The following SPOCK3 variants were observed in gnomAD, a reference collection of about 807,000 sequenced individuals.
SPOCK3 encodes the protein SPARC (osteonectin), cwcv and kazal like domains proteoglycan 3.
SPOCK3 carries 30 observed loss-of-function variants against 56.6 expected under a neutral mutation model. The observed-to-expected ratio is 0.53, with a 90% CI of 0.40 to 0.72. The LOEUF (loss-of-function observed/expected upper bound fraction) is 0.72. SPOCK3 is among the 30% of genes least tolerant of loss of function. SPOCK3 has a pLI of 0.00. For missense variants in SPOCK3, 527 were observed against 530.0 expected (o/e 0.99, Z 0.06); for synonymous variants, 196 against 183.3 (o/e 1.07, Z -0.56).
At chr4:167,021,954 C>T (rs1216217568) in intron 3 of SPOCK3, among the ~76,000 whole-genome samples, 1 of 151,928 alleles carries the variant, frequency 6.6e-6, no homozygotes, top group African/African-American at 2.4e-5. Flanking sequence ...ATTGCAGTAC[C>T]CTAATACTAC....
At chr4:167,234,194 G>C (rs369674462) in intron 1 of SPOCK3, 21 bp from the exon 2 acceptor site, 7 of 1,611,276 alleles carry the variant, frequency 4.3e-6, no homozygotes, top group Non-Finnish European at 5.1e-6. Flanking sequence ...AGACACAACG[G>C]GGGGTGGGGG....
intron 6 of SPOCK3, among the ~76,000 whole-genome samples, chr4:166,836,507 T>G (rs1579368186): frequency 6.6e-6 from 1 of 152,222 alleles, no homozygotes; most frequent in East Asian, 1.9e-4. Flanking sequence ...TTATTTTAGT[T>G]GAATCTACTG....
intron 2 of SPOCK3, among the ~76,000 whole-genome samples, chr4:167,156,720 C>T (rs931225706): frequency 2.6e-5 from 4 of 152,094 alleles, no homozygotes; most frequent in Admixed American, 6.6e-5. Context: ...TCAAAATGAG[C>T]CCTAAAGCAT....
intron 7 of SPOCK3, among the ~76,000 whole-genome samples, chr4:166,789,342 T>A (rs947812345): frequency 4.0e-5 from 6 of 151,830 alleles, no homozygotes; most frequent in Non-Finnish European, 7.4e-5. Flanking sequence ...GGTAGGAGAA[T>A]CACCTGAACA....
chr4:166,982,857 A>C (rs537858945), intron 4 of SPOCK3, among the ~76,000 whole-genome samples: 1 of 152,304 alleles, frequency 6.6e-6, no homozygotes, highest in East Asian at 1.9e-4. Flanking sequence ...CTTGTACTTA[A>C]ATAATGCATT....
At chr4:167,116,640 G>A (rs1414759434) in intron 2 of SPOCK3, among the ~76,000 whole-genome samples, 3 of 109,664 alleles carry the variant, frequency 2.7e-5, no homozygotes, top group African/African-American at 3.7e-5. Context: ...TACTATATAC[G>A]TATATATATA....
intron 2 of SPOCK3, among the ~76,000 whole-genome samples, chr4:167,154,627 C>A (rs1475186725): frequency 1.3e-5 from 2 of 152,116 alleles, no homozygotes; most frequent in Admixed American, 6.6e-5. Context: ...ACAATCCTCC[C>A]ATAACCTGTT....
intron 6 of SPOCK3, among the ~76,000 whole-genome samples, chr4:166,833,099 G>A (rs569653338): frequency 2.6e-5 from 4 of 151,924 alleles, no homozygotes; most frequent in Non-Finnish European, 4.4e-5. Flanking sequence ...TATTATATAC[G>A]TGTGTGTGTG....
intron 3 of SPOCK3, among the ~76,000 whole-genome samples, chr4:167,005,241 A>G (rs1330341233): frequency 6.6e-6 from 1 of 151,008 alleles, no homozygotes; most frequent in Non-Finnish European, 1.5e-5. Context: ...ATGGAGTCTC[A>G]CTCTGTTGCC....
intron 2 of SPOCK3, among the ~76,000 whole-genome samples, chr4:167,136,587 T>C (rs1225707997): frequency 6.6e-6 from 1 of 152,188 alleles, no homozygotes; most frequent in Non-Finnish European, 1.5e-5. Flanking sequence ...TATTGTCAAA[T>C]GATTTTGCTG....
intron 3 of SPOCK3, among the ~76,000 whole-genome samples, chr4:167,061,494 C>T (rs1348324945): frequency 1.3e-5 from 2 of 151,896 alleles, no homozygotes; most frequent in African/African-American, 4.8e-5. Flanking sequence ...GTTTCAGACT[C>T]CATGTTAATA....
chr4:166,925,347 C>T (rs1561015910), intron 4 of SPOCK3, among the ~76,000 whole-genome samples: 1 of 152,044 alleles, frequency 6.6e-6, no homozygotes, highest in Non-Finnish European at 1.5e-5. Context: ...GTTTTTGACC[C>T]TGCTCTAAGA....
At chr4:166,935,122 G>T (rs1160174358) in intron 4 of SPOCK3, among the ~76,000 whole-genome samples, 12 of 152,114 alleles carry the variant, frequency 7.9e-5, no homozygotes, top group Admixed American at 7.9e-4. Context: ...GACTTACGGG[G>T]CTGTGGAGGG....
chr4:167,115,059 A>G (rs1391445760), intron 2 of SPOCK3, among the ~76,000 whole-genome samples: 3 of 152,176 alleles, frequency 2.0e-5, no homozygotes, highest in Non-Finnish European at 4.4e-5. Context: ...AGAAGATTAT[A>G]TAGCTACGGG....
intron 7 of SPOCK3, among the ~76,000 whole-genome samples, chr4:166,776,836 T>C (rs1477528586): frequency 6.6e-6 from 1 of 152,088 alleles, no homozygotes; most frequent in Non-Finnish European, 1.5e-5. Context: ...ATGGAATACA[T>C]TAACATAAAG....
chr4:166,986,375 A>G (rs1342295580), intron 4 of SPOCK3, among the ~76,000 whole-genome samples: 1 of 152,130 alleles, frequency 6.6e-6, no homozygotes, highest in Non-Finnish European at 1.5e-5. Context: ...TCCTCCTTAA[A>G]TTCCATACAA....
chr4:167,054,547 G>T (rs1460679051), intron 3 of SPOCK3, among the ~76,000 whole-genome samples: 1 of 152,176 alleles, frequency 6.6e-6, no homozygotes, highest in Non-Finnish European at 1.5e-5. Flanking sequence ...ATGAAGAGAA[G>T]TAATATCACA....
At chr4:166,849,755 C>G (rs1488485137) in intron 6 of SPOCK3, among the ~76,000 whole-genome samples, 1 of 152,070 alleles carries the variant, frequency 6.6e-6, no homozygotes, top group Non-Finnish European at 1.5e-5. Context: ...TCCATTCACC[C>G]TTACTTCCCC....
At chr4:166,879,367 A>G (rs1733455933) in intron 6 of SPOCK3, among the ~76,000 whole-genome samples, 1 of 151,988 alleles carries the variant, frequency 6.6e-6, no homozygotes, top group African/African-American at 2.4e-5. Context: ...TGTCTCTACA[A>G]AAATAAAAAT....
Sources: gnomAD v4.1 joint callset for allele counts (sites outside exome capture counted in the v4.1 genomes callset) on GRCh38, gnomAD v4.1.1 for gene constraint, MANE v1.5 for transcripts, NCBI Gene and HGNC (gene_info 2026-07-23, HGNC 2026-07-21) for gene names.